MTHFD1L: variants seen among roughly 807,000 people sequenced by gnomAD.
The protein encoded by MTHFD1L is monofunctional C1-tetrahydrofolate synthase, mitochondrial.
In MTHFD1L, 81 loss-of-function variants were observed where a neutral mutation model predicts 119.5. That is an observed-to-expected ratio of 0.68 (90% CI 0.57 to 0.82). The LOEUF (loss-of-function observed/expected upper bound fraction) is 0.82. Ranked by LOEUF, MTHFD1L falls within the 40% of genes least tolerant of loss-of-function variation. The pLI is 0.00. For synonymous variants in MTHFD1L, 430 were observed against 475.2 expected (o/e 0.90, Z 1.24); for missense variants, 1,125 against 1,253.4 (o/e 0.90, Z 1.55).
chr6:151,001,231 C>T (rs9478907), intron 20 of MTHFD1L, among the ~76,000 whole-genome samples: 35,061 of 152,052 alleles, frequency 0.23, 4,124 homozygotes, highest in Middle Eastern at 0.31. Flanking sequence ...GTGAAGTAGC[C>T]ATGAAATCCG....
At chr6:150,947,850 CT>C (rs1041295411) in intron 15 of MTHFD1L, among the ~76,000 whole-genome samples, 4 of 152,200 alleles carry the variant, frequency 2.6e-5, no homozygotes, top group Admixed American at 6.5e-5. Context: ...ATGCTGTCCA[CT>C]GCAGGACATC....
chr6:150,885,203 T>G (rs1782035381), intron 5 of MTHFD1L, among the ~76,000 whole-genome samples: 1 of 151,008 alleles, frequency 6.6e-6, no homozygotes, highest in African/African-American at 2.4e-5. Flanking sequence ...TTATGGGTTT[T>G]TTTTTTTTTT....
chr6:151,100,924 C>T (rs1009695558), intron 27 of MTHFD1L, among the ~76,000 whole-genome samples: 2 of 152,030 alleles, frequency 1.3e-5, no homozygotes, highest in African/African-American at 2.4e-5. Context: ...TTTGGGAGGA[C>T]AAGGCAGGCG....
At chr6:151,068,283 T>A (rs1301559125) in intron 26 of MTHFD1L, among the ~76,000 whole-genome samples, 1 of 152,252 alleles carries the variant, frequency 6.6e-6, no homozygotes, top group Non-Finnish European at 1.5e-5. Flanking sequence ...ACATTGTGAT[T>A]TTGCGGGCCT....
At chr6:150,946,252 T>C (rs1449853741) in intron 15 of MTHFD1L, among the ~76,000 whole-genome samples, 315 of 99,542 alleles carry the variant, frequency 3.2e-3, no homozygotes, top group Non-Finnish European at 5.5e-3. Flanking sequence ...CTGGTTCAAG[T>C]GATTCTCCTG....
intron 20 of MTHFD1L, among the ~76,000 whole-genome samples, chr6:150,994,094 A>AAAGAAAAGAAAGAAAGAAAGAAAGAAAGT (rs1482239065): frequency 2.5e-5 from 3 of 119,572 alleles, no homozygotes; most frequent in Non-Finnish European, 3.7e-5. Flanking sequence ...AGAAAGAAAG[A>AAAGAAAAGAAAGAAAGAAAGAAAGAAAGT]AAGTGACCCA....
Position 150,893,305 on chromosome 6 carries a change from T to C in MTHFD1L, c.780+5324T>C, listed in dbSNP as rs542905802. Among the ~76,000 whole-genome samples the C allele has an allele frequency of 2.6e-5, 4 of 152,220 alleles. No individual in the cohort carries two copies. The South Asian group carries it at 6.2e-4, about 24-fold the overall frequency. On this transcript the variant is annotated intron_variant, in intron 7 of 27. Coordinates refer to ENST00000367321, the MANE Select transcript of MTHFD1L (RefSeq NM_015440.5). ...GTCTCGAACTCCTGACCTCAAGTGA[T>C]CCACCCACATGGCCCTCTCAAAGTG...
At chr6:151,058,458 A>T (rs1440918447) in intron 26 of MTHFD1L, among the ~76,000 whole-genome samples, 1 of 152,230 alleles carries the variant, frequency 6.6e-6, no homozygotes, top group Non-Finnish European at 1.5e-5. Context: ...TTGAAGGATG[A>T]CCTACTGGCT....
Position 150,964,965 on chromosome 6 carries a change from G to A in MTHFD1L, c.1945-4G>A. 6.2e-7 allele frequency: 1 copy of A among 1,613,602 alleles called. No individual in the cohort carries two copies. On this transcript the variant is annotated splice_region_variant and splice_polypyrimidine_tract_variant and intron_variant, in intron 18 of 27. Coordinates refer to ENST00000367321, the MANE Select transcript of MTHFD1L (RefSeq NM_015440.5). Reference sequence around the variant, plus strand: ...GGAATCTAATGTTTTTCTCTCTCCTGTAGGGGGTGACAGGTGCTTTGACAG... The same window carrying A: ...GGAATCTAATGTTTTTCTCTCTCCTATAGGGGGTGACAGGTGCTTTGACAG...
chr6:150,872,112 G>A (rs1277004043), intron 1 of MTHFD1L, among the ~76,000 whole-genome samples: 6 of 151,760 alleles, frequency 4.0e-5, no homozygotes, highest in Non-Finnish European at 5.9e-5. Flanking sequence ...TCCTGACCTC[G>A]TGATCCGCCC....
chr6:151,066,813 G>C lies in MTHFD1L; in HGVS notation c.2848-25654G>C, dbSNP rs186317783. On this transcript the variant is annotated intron_variant, in intron 26 of 27. Transcript: ENST00000367321. ...TTAGTCTACTGTTGGTTCTTCCAAAGAGCCATCCTTTCGCTGATGCTTTAG... is the reference window on the plus strand; with the variant it reads ...TTAGTCTACTGTTGGTTCTTCCAAACAGCCATCCTTTCGCTGATGCTTTAG... Among the ~76,000 whole-genome samples, 10 of 150,748 alleles carry C rather than the reference G, an allele frequency of 6.6e-5. No individual in the cohort carries two copies. In the East Asian group the frequency reaches 2.0e-3, roughly 29 times the overall value.
chr6:151,096,040 C>T (rs1269357233), intron 27 of MTHFD1L, among the ~76,000 whole-genome samples: 1 of 152,232 alleles, frequency 6.6e-6, no homozygotes, highest in Non-Finnish European at 1.5e-5. Context: ...CTCAGTATTA[C>T]CCCAACCTTT....
intron 20 of MTHFD1L, among the ~76,000 whole-genome samples, chr6:150,996,143 C>T (rs1779786950): frequency 6.6e-6 from 1 of 152,110 alleles, no homozygotes; most frequent in Admixed American, 6.5e-5. Flanking sequence ...AATGCTTTTA[C>T]CATCCAGTAC....
intron 8 of MTHFD1L, among the ~76,000 whole-genome samples, chr6:150,915,426 AC>A (rs1196141942): frequency 6.6e-6 from 1 of 152,168 alleles, no homozygotes; most frequent in Non-Finnish European, 1.5e-5. Context: ...TAAAATATCC[AC>A]ACTTTTGCTA....
chr6:150,939,754 G>C (rs960885597), intron 13 of MTHFD1L, among the ~76,000 whole-genome samples: 1 of 142,292 alleles, frequency 7.0e-6, no homozygotes, highest in South Asian at 2.2e-4. Flanking sequence ...GCACAGTCTC[G>C]GCTCACTGCA....
chr6:150,973,948 G>C (rs1165629617), intron 20 of MTHFD1L, among the ~76,000 whole-genome samples: 2 of 152,190 alleles, frequency 1.3e-5, no homozygotes, highest in African/African-American at 4.8e-5. Context: ...ATAGGATCAA[G>C]TGAGAAACTG....
intron 18 of MTHFD1L, among the ~76,000 whole-genome samples, chr6:150,962,610 G>T (rs970191726): frequency 4.6e-5 from 7 of 152,178 alleles, no homozygotes; most frequent in Admixed American, 4.6e-4. Context: ...ACAGAGTGTG[G>T]AATGCTAGCA....
rs530057881 is a variant in MTHFD1L, at chr6:150,951,240, CA to C, written c.1726+2108del. 1.7e-3 allele frequency among the ~76,000 whole-genome samples: 259 copies of C among 151,998 alleles called. 1 individual carries two copies. Among genetic ancestry groups the C allele is most frequent in the African/African-American group, 6.0e-3 (249 of 41,444 alleles). On this transcript the variant is annotated intron_variant, in intron 16 of 27. Coordinates refer to ENST00000367321, the MANE Select transcript of MTHFD1L (RefSeq NM_015440.5). ...AGAGATGGGGTTTCATCATGCTGCC[CA>C]GGCTGGTCTCAAACTCCTGAGCTCA...
At chr6:150,910,680 C>CTGTT (rs1235486799) in intron 8 of MTHFD1L, among the ~76,000 whole-genome samples, 5 of 152,110 alleles carry the variant, frequency 3.3e-5, no homozygotes, top group African/African-American at 1.2e-4. Context: ...GGGAGCAAGG[C>CTGTT]TGTTGGGAGG....
Sources: gnomAD v4.1 joint callset for allele counts (sites outside exome capture counted in the v4.1 genomes callset) on GRCh38, gnomAD v4.1.1 for gene constraint, MANE v1.5 for transcripts, NCBI Gene and HGNC (gene_info 2026-07-23, HGNC 2026-07-21) for gene names.